Variants in PGBD5 observed in about 807,000 individuals in gnomAD.
PGBD5 encodes the protein piggyBac transposable element derived 5, also known as piggyBac transposable element-derived protein 5.
In PGBD5, 14 loss-of-function variants were observed where a neutral mutation model predicts 47.9. The ratio of observed to expected loss-of-function variants is 0.29; its 90% CI spans 0.19 to 0.46. The LOEUF is 0.46. Ranked by LOEUF, PGBD5 falls within the 20% of genes least tolerant of loss-of-function variation. PGBD5 has a pLI of 1.00. For missense variants in PGBD5, 635 were observed against 716.0 expected, an observed-to-expected ratio of 0.89 and a Z score of 1.29; for synonymous variants, 316 against 306.3, an observed-to-expected ratio of 1.03 and a Z score of -0.33.
chr1:230,325,474 T>G (rs1356426538), intron 5 of PGBD5, 59 bp from the exon 6 acceptor site: 1 of 1,198,876 alleles, frequency 8.3e-7, no homozygotes, highest in African/African-American at 1.5e-5. Context: ...TGCCACTTTA[T>G]AAATGTGCCT....
At chr1:230,347,991 C>T (rs544863266) in intron 3 of PGBD5, among the ~76,000 whole-genome samples, 2 of 152,286 alleles carry the variant, frequency 1.3e-5, no homozygotes, top group Admixed American at 1.3e-4. Context: ...TTTCACATAC[C>T]ACAGCTGCCT....
At chr1:230,390,425 C>A (rs2102732081) in intron 1 of PGBD5, among the ~76,000 whole-genome samples, 1 of 152,262 alleles carries the variant, frequency 6.6e-6, no homozygotes, top group Admixed American at 6.5e-5. Context: ...ACATCTCACC[C>A]CTCTTCTGGG....
intron 1 of PGBD5, among the ~76,000 whole-genome samples, chr1:230,424,703 A>G (rs534925955): frequency 2.0e-5 from 3 of 152,258 alleles, no homozygotes; most frequent in South Asian, 4.1e-4. Flanking sequence ...AGCATGCAGG[A>G]GCACGGGCCT....
intron 3 of PGBD5, among the ~76,000 whole-genome samples, chr1:230,348,562 GTAT>G (rs1249011342): frequency 2.6e-5 from 4 of 152,176 alleles, no homozygotes; most frequent in African/African-American, 9.6e-5. Flanking sequence ...ACGGTGTAAG[GTAT>G]TATTCTGCCC....
intron 3 of PGBD5, among the ~76,000 whole-genome samples, chr1:230,343,838 A>G (rs749731243): frequency 2.0e-5 from 3 of 152,264 alleles, no homozygotes; most frequent in African/African-American, 7.2e-5. Context: ...TTCTTTCAAC[A>G]TAAATAGTAT....
chr1:230,367,282 C>T (rs958347467), intron 1 of PGBD5, among the ~76,000 whole-genome samples: 1 of 152,162 alleles, frequency 6.6e-6, no homozygotes, highest in Non-Finnish European at 1.5e-5. Context: ...ATGCCCCCAA[C>T]GTGCCAAACC....
At chr1:230,391,368 C>G (rs1656782556) in intron 1 of PGBD5, among the ~76,000 whole-genome samples, 1 of 152,152 alleles carries the variant, frequency 6.6e-6, no homozygotes, top group Non-Finnish European at 1.5e-5. Flanking sequence ...TCATTTTCTC[C>G]CCTAGGAAAA....
chr1:230,422,086 G>A (rs1657660577), intron 1 of PGBD5, among the ~76,000 whole-genome samples: 1 of 151,998 alleles, frequency 6.6e-6, no homozygotes, highest in East Asian at 1.9e-4. Context: ...GGTAAATGGG[G>A]GGAAAACACA....
chr1:230,379,166 G>A (rs77124101), intron 1 of PGBD5, among the ~76,000 whole-genome samples: 6,707 of 152,126 alleles, frequency 0.044, 164 homozygotes, highest in South Asian at 0.072. Flanking sequence ...GAAAGACTGC[G>A]CCCAGCATGC....
At chr1:230,410,157 A>C (rs1558214626) in intron 1 of PGBD5, among the ~76,000 whole-genome samples, 1 of 152,242 alleles carries the variant, frequency 6.6e-6, no homozygotes, top group Non-Finnish European at 1.5e-5. Context: ...ACTTGAGCTT[A>C]AAGGCACTGA....
chr1:230,385,496 T>G (rs1326525608), intron 1 of PGBD5, among the ~76,000 whole-genome samples: 1 of 152,196 alleles, frequency 6.6e-6, no homozygotes, highest in Non-Finnish European at 1.5e-5. Flanking sequence ...AAAAACGGCC[T>G]GTGTGGATGG....
chr1:230,356,238 G>A (rs550890728), intron 2 of PGBD5, among the ~76,000 whole-genome samples: 2 of 152,296 alleles, frequency 1.3e-5, no homozygotes, highest in East Asian at 1.9e-4. Flanking sequence ...GGAAGACTCT[G>A]GAGTTCTATC....
chr1:230,407,325 T>C (rs1483942689), intron 1 of PGBD5, among the ~76,000 whole-genome samples: 1 of 152,182 alleles, frequency 6.6e-6, no homozygotes, highest in East Asian at 1.9e-4. Flanking sequence ...ATGAACAAAT[T>C]ATCATTTTCA....
intron 3 of PGBD5, among the ~76,000 whole-genome samples, chr1:230,350,741 C>A (rs1234614703): frequency 6.6e-6 from 1 of 152,210 alleles, no homozygotes; most frequent in Admixed American, 6.5e-5. Context: ...GGAACGGGGC[C>A]AGGGGTGGCA....
At chr1:230,325,200 C>T in intron 6 of PGBD5, 110 bp downstream of exon 6, 1 of 835,840 alleles carries the variant, frequency 1.2e-6, no homozygotes. Context: ...CCAGGGTCTT[C>T]ATCCTGCAGT....
Position 230,337,024 on chromosome 1 carries a change from T to C in PGBD5, c.1075+84A>G, listed in dbSNP as rs1667333722. 1.2e-5 allele frequency: 18 copies of C among 1,468,142 alleles called. No homozygotes were observed. The South Asian group carries it at 2.3e-4, about 19-fold the overall frequency. The allele number at this position is 1,468,142 out of a possible 1,614,324, so 90.9% of individuals were successfully genotyped here. On this transcript the variant is annotated intron_variant, in intron 4 of 6. Transcript: ENST00000391860. ...CCTGTGGTTTGTGGTGGCCACCACG[T>C]ATCTGCACCCCCACCTGGACCTCTC...
chr1:230,355,556 C>T (rs757839552), intron 2 of PGBD5, among the ~76,000 whole-genome samples: 21 of 152,218 alleles, frequency 1.4e-4, no homozygotes, highest in Non-Finnish European at 2.5e-4. Flanking sequence ...TGCTCAGGCC[C>T]GTCCTTGGTA....
chr1:230,382,628 GT>G (rs1656530331), intron 1 of PGBD5, among the ~76,000 whole-genome samples: 1 of 152,188 alleles, frequency 6.6e-6, no homozygotes, highest in Non-Finnish European at 1.5e-5. Context: ...GCAATCCTAG[GT>G]AAACTAGGGT....
chr1:230,388,239 G>A (rs991693640), intron 1 of PGBD5, among the ~76,000 whole-genome samples: 3 of 152,118 alleles, frequency 2.0e-5, no homozygotes, highest in Non-Finnish European at 4.4e-5. Context: ...GAGCGGACAC[G>A]CCTTGCCAGC....
Sources: allele counts gnomAD v4.1 joint callset (sites outside exome capture counted in the v4.1 genomes callset), GRCh38; gene constraint gnomAD v4.1.1; transcripts MANE v1.5; gene names NCBI Gene and HGNC (gene_info 2026-07-23, HGNC 2026-07-21).